Variants in AGMO observed in about 807,000 individuals in gnomAD.
The protein encoded by AGMO is glyceryl-ether monooxygenase.
In AGMO, 75 loss-of-function variants were observed where a neutral mutation model predicts 60.2. The ratio of observed to expected loss-of-function variants is 1.25; its 90% CI spans 1.03 to 1.51. The LOEUF (loss-of-function observed/expected upper bound fraction) is 1.51, where lower values mean the gene tolerates loss of function less well. AGMO is among the 40% of genes most tolerant of loss of function. The probability of loss-of-function intolerance (pLI) is 0.00; values close to 1 mark genes in which losing one functional copy is unlikely to be tolerated. For missense variants in AGMO, 763 were observed against 525.5 expected, an observed-to-expected ratio of 1.45 and a Z score of -4.42; for synonymous variants, 261 against 177.1, an observed-to-expected ratio of 1.47 and a Z score of -3.76.
intron 12 of AGMO, among the ~76,000 whole-genome samples, chr7:15,271,845 A>G (rs376855318): frequency 6.6e-6 from 1 of 152,114 alleles, no homozygotes; most frequent in African/African-American, 2.4e-5. Flanking sequence ...TTTTTCTTCA[A>G]TGACTGGTTT....
chr7:15,237,226 C>T (rs967055122), intron 12 of AGMO, among the ~76,000 whole-genome samples: 1 of 152,072 alleles, frequency 6.6e-6, no homozygotes, highest in Non-Finnish European at 1.5e-5. Context: ...AGTAAGTGTG[C>T]GTGGAGAAAT....
chr7:15,239,769 G>C (rs1038936605), intron 12 of AGMO, among the ~76,000 whole-genome samples: 1 of 151,992 alleles, frequency 6.6e-6, no homozygotes, highest in Non-Finnish European at 1.5e-5. Context: ...CACTTATTAA[G>C]TACACTTACA....
chr7:15,317,602 T>G (rs969976300), intron 12 of AGMO, among the ~76,000 whole-genome samples: 4 of 152,046 alleles, frequency 2.6e-5, no homozygotes, highest in Admixed American at 2.6e-4. Flanking sequence ...CTTATGATCT[T>G]GACTGGAGTG....
chr7:15,422,791 A>G (rs1388266939), intron 4 of AGMO, among the ~76,000 whole-genome samples: 1 of 152,146 alleles, frequency 6.6e-6, no homozygotes, highest in Non-Finnish European at 1.5e-5. Context: ...GGAAGCCTGC[A>G]GCACTCAGCA....
intron 12 of AGMO, among the ~76,000 whole-genome samples, chr7:15,297,984 C>T (rs902742467): frequency 5.3e-5 from 8 of 152,182 alleles, no homozygotes; most frequent in Non-Finnish European, 1.0e-4. Flanking sequence ...AGATCATTAC[C>T]GTCTAAAGGC....
intron 3 of AGMO, among the ~76,000 whole-genome samples, chr7:15,442,039 A>G (rs1253959264): frequency 2.0e-5 from 3 of 152,182 alleles, no homozygotes; most frequent in African/African-American, 7.2e-5. Context: ...TGTGGCTTTC[A>G]GAATAGAAAC....
the AGMO span, among the ~76,000 whole-genome samples, chr7:15,117,974 G>T: frequency 6.6e-6 from 1 of 151,766 alleles, no homozygotes; most frequent in Non-Finnish European, 1.5e-5. Context: ...CCCAACAATG[G>T]CATTGATTAC....
At chr7:15,371,541 C>T (rs1783214838) in intron 10 of AGMO, among the ~76,000 whole-genome samples, 1 of 152,024 alleles carries the variant, frequency 6.6e-6, no homozygotes, top group South Asian at 2.1e-4. Context: ...CAGGCACCTA[C>T]CACCTTACAT....
At position 15,387,461 on chromosome 7, in the gene AGMO, C is replaced by A; in HGVS notation, c.902G>T (p.Gly301Val). The A allele has an allele frequency of 6.2e-7, 1 of 1,614,012 alleles. No individual in the cohort carries two copies. The highest frequency in any genetic ancestry group is 2.2e-5 in the East Asian group (1 of 44,870). Residue 301 changes from glycine (G) to valine (V), a missense_variant, in exon 9 of 13, where the codon GGA becomes GTA. Transcript: ENST00000342526. The stretch of plus-strand genomic sequence containing the variant: ...TGGTTTACCTGGACCCCATCCCGGT[C>A]CCTTAAATATGACAGAAAACTTATT... ...FFNKFSVIFK[G>V]PGWGPGKPRL...
At chr7:15,194,896 T>C in the AGMO span, among the ~76,000 whole-genome samples, 1 of 152,140 alleles carries the variant, frequency 6.6e-6, no homozygotes, top group Non-Finnish European at 1.5e-5. Flanking sequence ...TCAGCAGACA[T>C]CATTTTACCA....
chr7:15,210,757 T>C (rs1440780474), intron 12 of AGMO, among the ~76,000 whole-genome samples: 1 of 152,090 alleles, frequency 6.6e-6, no homozygotes, highest in East Asian at 1.9e-4. Flanking sequence ...CTCCTTAATA[T>C]GTCTATTGTT....
chr7:15,362,149 G>C (rs1271805058), intron 12 of AGMO, among the ~76,000 whole-genome samples: 1 of 152,024 alleles, frequency 6.6e-6, no homozygotes, highest in Non-Finnish European at 1.5e-5. Flanking sequence ...TTTAATAAAA[G>C]AACAGTTTTA....
intron 5 of AGMO, among the ~76,000 whole-genome samples, chr7:15,412,861 G>A (rs1780654797): frequency 6.6e-6 from 1 of 151,930 alleles, no homozygotes; most frequent in Admixed American, 6.6e-5. Context: ...CCACCTCCTA[G>A]AATCATAATA....
At chr7:15,377,430 T>G (rs899117523) in intron 10 of AGMO, among the ~76,000 whole-genome samples, 1 of 151,438 alleles carries the variant, frequency 6.6e-6, no homozygotes, top group South Asian at 2.1e-4. Flanking sequence ...ATGCTGTAAG[T>G]CACATATTTT....
At chr7:15,394,030 T>C (rs1784261821) in intron 6 of AGMO, 83 bp downstream of exon 6, 1 of 972,042 alleles carries the variant, frequency 1.0e-6, no homozygotes. Context: ...TATTGGGAAA[T>C]TGTGATTAAA....
chr7:15,432,908 G>A (rs1230945082), intron 3 of AGMO, among the ~76,000 whole-genome samples: 1 of 151,938 alleles, frequency 6.6e-6, no homozygotes, highest in African/African-American at 2.4e-5. Context: ...TCAGATGTTA[G>A]GTGGACGTTG....
rs995358299 is a variant in AGMO at position 15,493,601 on chromosome 7, T to C, written c.409+51171A>G. Among the ~76,000 whole-genome samples, 12 of 151,750 alleles carry C rather than the reference T, an allele frequency of 7.9e-5. No homozygotes were observed. In the East Asian group the frequency reaches 2.3e-3, roughly 30 times the overall value. On this transcript the variant is annotated intron_variant, in intron 3 of 12. Coordinates refer to ENST00000342526, the MANE Select transcript of AGMO (RefSeq NM_001004320.2). The stretch of plus-strand genomic sequence containing the variant: ...TGTGTTAGCCAGGATGGTCTCGATC[T>C]CCTGACCTCGTGATCCGCCCGCCTC...
intron 3 of AGMO, among the ~76,000 whole-genome samples, chr7:15,435,166 T>C (rs908948981): frequency 6.6e-6 from 1 of 152,174 alleles, no homozygotes; most frequent in African/African-American, 2.4e-5. Flanking sequence ...ATAAAAGTTC[T>C]ATCAAGTAGT....
At chr7:15,259,618 A>T (rs138551439) in intron 12 of AGMO, among the ~76,000 whole-genome samples, 157 of 152,200 alleles carry the variant, frequency 1.0e-3, no homozygotes, top group African/African-American at 3.5e-3. Context: ...AGGTTATCTA[A>T]AGGCAAGACA....
Sources: allele counts gnomAD v4.1 joint callset (sites outside exome capture counted in the v4.1 genomes callset), GRCh38; gene constraint gnomAD v4.1.1; transcripts MANE v1.5; gene names NCBI Gene and HGNC (gene_info 2026-07-23, HGNC 2026-07-21).